PBLD: variants seen among roughly 807,000 people sequenced by gnomAD.
The protein encoded by PBLD is phenazine biosynthesis-like domain-containing protein.
A neutral mutation model predicts 31.3 loss-of-function variants in PBLD; 26 were observed. The ratio of observed to expected loss-of-function variants is 0.83; its 90% CI spans 0.61 to 1.15. The LOEUF (loss-of-function observed/expected upper bound fraction) is 1.15. Ranked by LOEUF, PBLD falls within the 50% of genes most tolerant of loss-of-function variation. The probability of loss-of-function intolerance (pLI) is 0.00; values close to 1 mark genes in which losing one functional copy is unlikely to be tolerated. For synonymous variants in PBLD, 114 were observed against 129.0 expected, an observed-to-expected ratio of 0.88 and a Z score of 0.79; for missense variants, 307 against 351.7, an observed-to-expected ratio of 0.87 and a Z score of 1.02.
At chr10:68,285,969 C>T (rs930816890) in intron 8 of PBLD, among the ~76,000 whole-genome samples, 35 of 152,146 alleles carry the variant, frequency 2.3e-4, no homozygotes, top group African/African-American at 8.2e-4. Flanking sequence ...GTATGAGCCA[C>T]GGTGACTGGT....
intron 2 of PBLD, among the ~76,000 whole-genome samples, chr10:68,303,994 C>A (rs558132325): frequency 3.3e-5 from 5 of 152,304 alleles, no homozygotes; most frequent in African/African-American, 9.6e-5. Context: ...AGACTCTGAG[C>A]CCTTCAAGGG....
chr10:68,316,816 C>T, intron 1 of PBLD, among the ~76,000 whole-genome samples: 1 of 152,060 alleles, frequency 6.6e-6, no homozygotes, highest in East Asian at 1.9e-4. Context: ...AGTTCGAGAC[C>T]ACCCTGGGCA....
At chr10:68,319,834 T>A (rs1005472914) in intron 1 of PBLD, among the ~76,000 whole-genome samples, 11 of 150,752 alleles carry the variant, frequency 7.3e-5, no homozygotes, top group South Asian at 2.1e-4. Context: ...TTATTTATTT[T>A]TTTTTTGAGA....
chr10:68,285,956 C>T (rs2044282055), intron 8 of PBLD, among the ~76,000 whole-genome samples: 1 of 152,096 alleles, frequency 6.6e-6, no homozygotes, highest in Admixed American at 6.6e-5. Flanking sequence ...GCTGGGATTA[C>T]AGGTATGAGC....
At chr10:68,310,356 T>C (rs973882820) in intron 1 of PBLD, among the ~76,000 whole-genome samples, 1 of 109,612 alleles carries the variant, frequency 9.1e-6, no homozygotes, top group Non-Finnish European at 1.8e-5. Flanking sequence ...TACAATATAA[T>C]GTTTTGAAGT....
chr10:68,325,064 T>C (rs1321566945), intron 1 of PBLD, among the ~76,000 whole-genome samples: 3 of 151,954 alleles, frequency 2.0e-5, no homozygotes, highest in Admixed American at 6.6e-5. Context: ...GCCAACATGG[T>C]GAAACCCTGT....
At chr10:68,289,907 G>A (rs1417113458) in intron 6 of PBLD, among the ~76,000 whole-genome samples, 4 of 152,150 alleles carry the variant, frequency 2.6e-5, no homozygotes, top group African/African-American at 9.7e-5. Flanking sequence ...TAGAGGGCTC[G>A]TCCTGTGCTG....
chr10:68,315,347 G>C (rs1330752862), intron 1 of PBLD, among the ~76,000 whole-genome samples: 1 of 152,140 alleles, frequency 6.6e-6, no homozygotes, highest in East Asian at 1.9e-4. Flanking sequence ...CACTCTGGGA[G>C]GCCTAGAAGG....
At chr10:68,295,606 G>T (rs1016783191) in intron 4 of PBLD, among the ~76,000 whole-genome samples, 3 of 151,904 alleles carry the variant, frequency 2.0e-5, no homozygotes, top group Non-Finnish European at 4.4e-5. Context: ...ATCTCATATC[G>T]TATGAGATGA....
intron 1 of PBLD, among the ~76,000 whole-genome samples, chr10:68,326,154 C>T (rs1023180248): frequency 1.3e-5 from 2 of 151,884 alleles, no homozygotes; most frequent in African/African-American, 2.4e-5. Context: ...TTGCAACCTC[C>T]GCCTCCTGAG....
intron 1 of PBLD, among the ~76,000 whole-genome samples, chr10:68,325,718 C>T (rs921800548): frequency 4.6e-5 from 7 of 152,160 alleles, no homozygotes; most frequent in Admixed American, 3.9e-4. Flanking sequence ...CCACTTCTGC[C>T]GTTATTTTGT....
chr10:68,286,645 CAA>C (rs1194606318), intron 8 of PBLD, among the ~76,000 whole-genome samples: 1 of 152,140 alleles, frequency 6.6e-6, no homozygotes, highest in Non-Finnish European at 1.5e-5. Context: ...GGCCAAAAGG[CAA>C]ACTCTTCCAC....
In PBLD at chr10:68,296,876, G is replaced by T; in HGVS notation, c.184+10C>A. 1 of 1,588,440 alleles carries T rather than the reference G, an allele frequency of 6.3e-7. No individual in the cohort carries two copies. Among genetic ancestry groups the T allele is most frequent in the South Asian group, 1.1e-5 (1 of 90,370 alleles). On this transcript the variant is annotated intron_variant, in intron 3 of 9. Coordinates refer to ENST00000358769, the MANE Select transcript of PBLD (RefSeq NM_022129.4). ...AGAACAGTTCTTAAAAAAAAAAAAT[G>T]CATATTTACTTTGTGCAAAGTTGTC... is the stretch of plus-strand genomic sequence containing the variant.
chr10:68,296,833 C>T lies in PBLD; in HGVS notation c.184+53G>A, dbSNP rs1000598362. On this transcript the variant is annotated intron_variant, in intron 3 of 9. Coordinates refer to ENST00000358769, the MANE Select transcript of PBLD (RefSeq NM_022129.4). ...GCAGTGAGTCAAGATCATGCCACTG[C>T]ACTCCAGCCCGTGCGACAGAACAGT... 54 of 1,445,616 alleles carry T rather than the reference C, an allele frequency of 3.7e-5. No homozygotes were observed. The African/African-American group carries it at 6.9e-4, about 18-fold the overall frequency. 89.5% of individuals were successfully genotyped at this position (1,445,616 alleles called of 1,614,324 possible).
intron 1 of PBLD, among the ~76,000 whole-genome samples, chr10:68,325,894 C>T (rs2044911947): frequency 6.6e-6 from 1 of 152,170 alleles, no homozygotes; most frequent in South Asian, 2.1e-4. Context: ...ATTCTGTGCT[C>T]CCCAAACACT....
At chr10:68,284,466 C>G (rs1222487173) in intron 9 of PBLD, among the ~76,000 whole-genome samples, 177 bp from the exon 10 acceptor site, 1 of 152,172 alleles carries the variant, frequency 6.6e-6, no homozygotes, top group African/African-American at 2.4e-5. Context: ...ACTGAGAAAG[C>G]CACAAACTCA....
chr10:68,288,588 G>A lies in PBLD; in HGVS notation c.586C>T (p.Leu196Phe). The part of the protein sequence containing the change: ...QVENTGKVKG[L>F]ILTLKGEPGG... ...GGCTCTCCTTTAAGGGTAAGAATAA[G>A]CCCTTTCACCTTCCCTGTGTTTTCA... The change falls in exon 8 of 10, where the codon CTT becomes TTT. Residue 196 changes from leucine to phenylalanine, a missense_variant. Leu to Phe is a conservative substitution (Grantham distance 22, BLOSUM62 0). Coordinates refer to ENST00000358769, the MANE Select transcript of PBLD (RefSeq NM_022129.4). 1.9e-6 allele frequency: 3 copies of A among 1,614,154 alleles called. No individual in the cohort carries two copies. The highest frequency in any genetic ancestry group is 1.1e-5 in the South Asian group (1 of 91,082).
rs867659005 is a variant in PBLD, at chr10:68,332,422, G to A, written c.-60+362C>T. Among the ~76,000 whole-genome samples, 11 of 152,324 alleles carry A rather than the reference G, an allele frequency of 7.2e-5. No homozygotes were observed. The South Asian group carries it at 2.3e-3, about 32-fold the overall frequency. On this transcript the variant is annotated intron_variant, in intron 1 of 9. Coordinates refer to ENST00000358769, the MANE Select transcript of PBLD (RefSeq NM_022129.4). ...TGCCGATGGGAGGACTTGCTCAGGTGGAATTCAGTGGACGACGCCGAGGCC... is the reference window on the plus strand; with the variant it reads ...TGCCGATGGGAGGACTTGCTCAGGTAGAATTCAGTGGACGACGCCGAGGCC...
intron 4 of PBLD, 96 bp downstream of exon 4, chr10:68,296,170 C>T: frequency 1.1e-6 from 1 of 894,556 alleles, no homozygotes; most frequent in East Asian, 2.6e-5. Context: ...GTCTTTATAC[C>T]AGTCACTTTG....
Sources: gnomAD v4.1 joint callset for allele counts (sites outside exome capture counted in the v4.1 genomes callset) on GRCh38, gnomAD v4.1.1 for gene constraint, MANE v1.5 for transcripts, NCBI Gene and HGNC (gene_info 2026-07-23, HGNC 2026-07-21) for gene names.